Variants in SYNPO2 observed in about 807,000 individuals in gnomAD.
SYNPO2 encodes the protein synaptopodin-2.
A neutral mutation model predicts 85.0 loss-of-function variants in SYNPO2; 56 were observed. That is an observed-to-expected ratio of 0.66 (90% CI 0.53 to 0.82). SYNPO2 has a LOEUF of 0.82. Ranked by LOEUF, SYNPO2 falls within the 40% of genes least tolerant of loss-of-function variation. SYNPO2 has a pLI of 0.00. For synonymous variants in SYNPO2, 602 were observed against 591.1 expected (o/e 1.02, Z -0.27); for missense variants, 1,575 against 1,534.2 (o/e 1.03, Z -0.44).
At chr4:118,887,835 G>A (rs920564098), upstream of SYNPO2, among the ~76,000 whole-genome samples, 4 of 152,148 alleles carry the variant, frequency 2.6e-5, no homozygotes, top group Non-Finnish European at 5.9e-5. Flanking sequence ...AACAGGCAGC[G>A]TGTCTGGAAA....
At chr4:119,053,116 G>A (rs1014296440) in intron 4 of SYNPO2, among the ~76,000 whole-genome samples, 1 of 152,140 alleles carries the variant, frequency 6.6e-6, no homozygotes, top group Non-Finnish European at 1.5e-5. Context: ...GGTTCCTTTG[G>A]TCGTTTCTGG....
chr4:119,028,226 T>C (rs577063900), intron 3 of SYNPO2, among the ~76,000 whole-genome samples: 1 of 150,964 alleles, frequency 6.6e-6, no homozygotes, highest in Non-Finnish European at 1.5e-5. Flanking sequence ...TTGTTTGTTT[T>C]TTTTTTTTTT....
chr4:118,997,647 G>A lies in SYNPO2; in HGVS notation c.106-25783G>A, dbSNP rs1039934052. 1.1e-3 allele frequency among the ~76,000 whole-genome samples: 172 copies of A among 152,314 alleles called. 1 individual carries two copies. The highest frequency in any genetic ancestry group is 8.1e-4 in the Non-Finnish European group (55 of 68,022). ...AGATTCAATAGTGGATGCCTGCTCTGCTCACCTCTGCAGTTGAATGCACCT... is the reference window on the plus strand; with the variant it reads ...AGATTCAATAGTGGATGCCTGCTCTACTCACCTCTGCAGTTGAATGCACCT... On this transcript the variant is annotated intron_variant, in intron 1 of 4. Transcript: ENST00000307142.
In SYNPO2 at chr4:119,026,712, A is replaced by G. The variant is rs1737961040; in HGVS notation, c.343A>G (p.Ser115Gly). The change falls in exon 3 of 5, where the codon AGT (serine) becomes GGT (glycine). Residue 115 changes from serine (S) to glycine (G), a missense_variant. Coordinates refer to ENST00000307142, the MANE Select transcript of SYNPO2 (RefSeq NM_133477.3). ...EHLTHGGYVE[S>G]TTLQIRPATK... The stretch of plus-strand genomic sequence containing the variant: ...TCTCACACATGGGGGTTATGTGGAA[A>G]GTACCACCCTGCAGATTCGACCGGC... 6.2e-7 allele frequency: 1 copy of G among 1,614,188 alleles called. No homozygotes were observed. The highest frequency in any genetic ancestry group is 1.7e-5 in the Admixed American group (1 of 60,026).
chr4:118,980,017 ACT>A (rs1735946691), intron 1 of SYNPO2, among the ~76,000 whole-genome samples: 1 of 151,742 alleles, frequency 6.6e-6, no homozygotes, highest in African/African-American at 2.4e-5. Flanking sequence ...AGAGGAAAAA[ACT>A]CTTTTGGAGT....
chr4:119,020,286 C>T (rs1427584073), intron 1 of SYNPO2, among the ~76,000 whole-genome samples: 2 of 152,128 alleles, frequency 1.3e-5, no homozygotes, highest in Admixed American at 6.5e-5. Flanking sequence ...CAGTGAAACG[C>T]AATCACAGCA....
Position 119,060,142 on chromosome 4 carries a change from T to C in SYNPO2, c.*2208T>C, listed in dbSNP as rs1739364688. 1.3e-5 allele frequency: 2 copies of C among 152,174 alleles called. No individual in the cohort carries two copies. The highest frequency in any genetic ancestry group is 1.3e-4 in the Admixed American group (2 of 15,262). The allele number at this position is 152,174 out of a possible 1,614,324, so 9.4% of individuals were successfully genotyped here. A position where few individuals can be genotyped will look rare whatever the true frequency, so the allele number is the denominator to read the frequency against. On this transcript the variant is annotated 3_prime_UTR_variant, in exon 5 of 5. Transcript: ENST00000307142. ...AAGGAGTTATTTCCATCAGTTGACA[T>C]AGATATTATTCACTAAAATTTTCAG...
chr4:119,051,221 G>A (rs891103059), intron 4 of SYNPO2, among the ~76,000 whole-genome samples: 1 of 119,744 alleles, frequency 8.4e-6, no homozygotes, highest in African/African-American at 3.2e-5. Context: ...ACGGAGTCTC[G>A]CTCTGTCGCC....
chr4:119,002,598 A>G (rs1736862922), intron 1 of SYNPO2, among the ~76,000 whole-genome samples: 1 of 152,062 alleles, frequency 6.6e-6, no homozygotes, highest in African/African-American at 2.4e-5. Context: ...CCCTCCTCTA[A>G]TTTAAGTTGG....
At chr4:118,889,539 C>T (rs1732294173) in intron 1 of SYNPO2, among the ~76,000 whole-genome samples, 1 of 152,120 alleles carries the variant, frequency 6.6e-6, no homozygotes, top group Non-Finnish European at 1.5e-5. Context: ...AGCATAACGA[C>T]TTTGCTTGGC....
intron 1 of SYNPO2, among the ~76,000 whole-genome samples, chr4:118,942,255 G>A (rs1578571136): frequency 6.6e-6 from 1 of 152,144 alleles, no homozygotes; most frequent in East Asian, 1.9e-4. Flanking sequence ...CCTATTGTGG[G>A]AAGGTACGTA....
At chr4:118,879,150 C>G (rs1440786987) in intron 1 of SYNPO2, among the ~76,000 whole-genome samples, 2 of 152,064 alleles carry the variant, frequency 1.3e-5, no homozygotes, top group African/African-American at 4.8e-5. Context: ...CCCGACACAT[C>G]TGAACATCTG....
At chr4:118,977,107 C>T (rs1735794234) in intron 1 of SYNPO2, among the ~76,000 whole-genome samples, 1 of 152,220 alleles carries the variant, frequency 6.6e-6, no homozygotes, top group South Asian at 2.1e-4. Flanking sequence ...GGGGGTGGTG[C>T]TCGTCAGGGA....
intron 1 of SYNPO2, among the ~76,000 whole-genome samples, chr4:118,978,496 A>G (rs1316566901): frequency 6.6e-6 from 1 of 152,182 alleles, no homozygotes; most frequent in Non-Finnish European, 1.5e-5. Context: ...AACTTCGGCT[A>G]TACCTTATCC....
chr4:119,020,744 T>A (rs1272183051), intron 1 of SYNPO2, among the ~76,000 whole-genome samples: 2 of 152,326 alleles, frequency 1.3e-5, no homozygotes, highest in East Asian at 1.9e-4. Context: ...TAATTTTTTT[T>A]ATAAATAAAT....
At chr4:119,033,445 T>A (rs965843759) in intron 4 of SYNPO2, 2 of 985,432 alleles carry the variant, frequency 2.0e-6, no homozygotes, top group Non-Finnish European at 2.4e-6. Context: ...AAAGTAAACC[T>A]GAAGACCTTT....
At chr4:118,871,718 G>A (rs1430930722) in intron 1 of SYNPO2, among the ~76,000 whole-genome samples, 2 of 152,094 alleles carry the variant, frequency 1.3e-5, no homozygotes, top group South Asian at 2.1e-4. Flanking sequence ...ACAGGCGCCT[G>A]CCACCATGCC....
At chr4:118,899,588 C>T (rs1194650893) in intron 1 of SYNPO2, among the ~76,000 whole-genome samples, 1 of 152,148 alleles carries the variant, frequency 6.6e-6, no homozygotes, top group African/African-American at 2.4e-5. Flanking sequence ...AGAAATGAAT[C>T]ATTACCTGAT....
chr4:119,034,221 T>C, intron 4 of SYNPO2: 1 of 985,468 alleles, frequency 1.0e-6, no homozygotes, highest in African/African-American at 1.7e-5. Flanking sequence ...AAAAAGATCA[T>C]TTTTATAGCT....
Sources: gnomAD v4.1 joint callset for allele counts (sites outside exome capture counted in the v4.1 genomes callset) on GRCh38, gnomAD v4.1.1 for gene constraint, MANE v1.5 for transcripts, NCBI Gene and HGNC (gene_info 2026-07-23, HGNC 2026-07-21) for gene names.